Variants in ASMTL observed in about 807,000 individuals in gnomAD.
ASMTL encodes acetylserotonin O-methyltransferase like, also known as probable bifunctional dTTP/UTP pyrophosphatase/methyltransferase protein.
In ASMTL, 57 loss-of-function variants were observed where a neutral mutation model predicts 60.3. The observed-to-expected ratio is 0.95, with a 90% confidence interval of 0.76 to 1.18. ASMTL has a LOEUF of 1.18. Ranked by LOEUF, ASMTL falls within the 50% of genes most tolerant of loss-of-function variation. The pLI is 0.00. For missense variants in ASMTL, 981 were observed against 852.6 expected, an observed-to-expected ratio of 1.15 and a Z score of -1.88; for synonymous variants, 419 against 373.0, an observed-to-expected ratio of 1.12 and a Z score of -1.42.
chrX:1,427,845 C>T lies in ASMTL; in HGVS notation c.786G>A (p.Ala262=), dbSNP rs778465846. 25 of 1,613,236 alleles carry T rather than the reference C, an allele frequency of 1.5e-5. No individual in the cohort carries two copies. The highest frequency in any genetic ancestry group is 1.2e-4 in the Admixed American group (7 of 60,000). Residue 262 remains alanine (A), a synonymous_variant, in exon 7 of 13, where the codon GCG becomes GCA. Coordinates refer to ENST00000381317, the MANE Select transcript of ASMTL (RefSeq NM_004192.4). ...DAGSRDEKAE[A]GEAGQATAEA... is the part of the protein sequence containing the mutation. ...CTGCCGTGGCCTGTCCCGCCTCTCC[C>T]GCCTCGGCCTTCTCATCGCGGCTGC...
In ASMTL at chrX:1,403,308, A is replaced by AC. The variant is rs762560829; in HGVS notation, c.1826dup (p.Val610CysfsTer39). ...TGGTGGCCAAGATGGCATCCAGGAC[A>AC]CCCCCCAAGTGCACCACCTGCACCT... On this transcript the variant is annotated frameshift_variant, in exon 13 of 13. Transcript: ENST00000381317. LOFTEE classifies it high-confidence loss of function. The AC allele has an allele frequency of 4.3e-6, 7 of 1,612,880 alleles. No homozygotes were observed. The highest frequency in any genetic ancestry group is 1.1e-5 in the South Asian group (1 of 91,064).
chrX:1,420,867 T>C (rs1448575220), intron 9 of ASMTL, among the ~76,000 whole-genome samples: 1 of 151,934 alleles, frequency 6.6e-6, no homozygotes, highest in Non-Finnish European at 1.5e-5. Context: ...CATCACGGCT[T>C]ACACTGCAGC....
In ASMTL at chrX:1,425,680, A is replaced by T; in HGVS notation, c.905T>A (p.Leu302His). 6.2e-7 allele frequency: 1 copy of T among 1,613,410 alleles called. No homozygotes were observed. Among genetic ancestry groups the T allele is most frequent in the Non-Finnish European group, 8.5e-7 (1 of 1,179,694 alleles). ...IEGFMLSKGL[L>H]TACKLKVFDL... is the part of the protein sequence containing the mutation. Reference sequence around the variant, plus strand: ...GAACACCTTCAGTTTGCAAGCGGTGAGCAGGCCCTGTTAAAAGCAAGTGCA... The same window carrying T: ...GAACACCTTCAGTTTGCAAGCGGTGTGCAGGCCCTGTTAAAAGCAAGTGCA... Residue 302 changes from leucine (L) to histidine (H), a missense_variant, in exon 8 of 13, where the codon CTC becomes CAC. Transcript: ENST00000381317.
At chrX:1,430,205 G>A (rs1441353043) in intron 6 of ASMTL, among the ~76,000 whole-genome samples, 1 of 151,994 alleles carries the variant, frequency 6.6e-6, no homozygotes, top group African/African-American at 2.4e-5. Flanking sequence ...AGTAGAGATT[G>A]GGATTTGCCA....
At chrX:1,440,291 C>T (rs1400531637) in intron 2 of ASMTL, among the ~76,000 whole-genome samples, 9 of 151,950 alleles carry the variant, frequency 5.9e-5, no homozygotes, top group East Asian at 5.8e-4. Context: ...GGGGTTTCAC[C>T]GTGTGAGCCA....
intron 9 of ASMTL, among the ~76,000 whole-genome samples, chrX:1,421,282 G>A (rs1208171796): frequency 6.6e-6 from 1 of 151,946 alleles, no homozygotes; most frequent in Non-Finnish European, 1.5e-5. Context: ...TTAATTTTTT[G>A]TAGAGATGGG....
intron 10 of ASMTL, 74 bp from the exon 11 acceptor site, chrX:1,418,190 G>C: frequency 6.7e-7 from 1 of 1,486,538 alleles, no homozygotes; most frequent in Non-Finnish European, 9.1e-7. Context: ...AGCTCAACTG[G>C]GGCAGAAGTA....
intron 11 of ASMTL, 101 bp from the exon 12 acceptor site, chrX:1,412,955 G>T (rs2090090085): frequency 4.5e-6 from 6 of 1,326,616 alleles, no homozygotes; most frequent in African/African-American, 1.6e-5. Context: ...ATCAGGGACA[G>T]AGAAGAGAGG....
intron 3 of ASMTL, among the ~76,000 whole-genome samples, chrX:1,437,066 T>C (rs2090985545): frequency 6.7e-6 from 1 of 148,682 alleles, no homozygotes. Context: ...CCTCATCTCC[T>C]CTTCTTATGA....
chrX:1,444,838 G>A (rs2091200232), intron 1 of ASMTL, among the ~76,000 whole-genome samples: 1 of 152,032 alleles, frequency 6.6e-6, no homozygotes, highest in Non-Finnish European at 1.5e-5. Flanking sequence ...AGCAATTTGT[G>A]TGAGGAAGAC....
intron 7 of ASMTL, 160 bp downstream of exon 7, chrX:1,427,574 G>C (rs2090645156): frequency 3.7e-6 from 1 of 271,260 alleles, no homozygotes. Context: ...GGAGAGGCAG[G>C]AAGGACCCTC....
Position 1,427,898 on chromosome X carries a change from C to CA in ASMTL, c.732_733insT (p.Gly245TrpfsTer14). 6.2e-7 allele frequency: 1 copy of CA among 1,613,238 alleles called. No individual in the cohort carries two copies. On this transcript the variant is annotated frameshift_variant, in exon 7 of 13. Transcript: ENST00000381317. LOFTEE classifies it high-confidence loss of function. ...GCGTCCCTCTGAGTGGGCTCCGAGC[C>CA]GCCCCCCTCCACGTCACTGAGGTCT...
intron 6 of ASMTL, 36 bp downstream of exon 6, chrX:1,432,233 C>G (rs771328186): frequency 1.3e-6 from 2 of 1,535,864 alleles, no homozygotes; most frequent in South Asian, 1.1e-5. Flanking sequence ...GGCTTCCACA[C>G]GTGTCCCCCG....
chrX:1,413,565 A>T (rs1320277052), intron 11 of ASMTL, among the ~76,000 whole-genome samples: 2 of 152,210 alleles, frequency 1.3e-5, no homozygotes, highest in Non-Finnish European at 2.9e-5. Context: ...TAATTGCTGA[A>T]ATAAAAAGAT....
intron 3 of ASMTL, among the ~76,000 whole-genome samples, chrX:1,438,079 G>A (rs1446869081): frequency 1.2e-4 from 18 of 149,048 alleles, no homozygotes; most frequent in Non-Finnish European, 2.1e-4. Context: ...ACTTGAGGTC[G>A]GGAGTTTGAG....
intron 5 of ASMTL, among the ~76,000 whole-genome samples, chrX:1,434,326 TA>T (rs766900696): frequency 1.3e-4 from 20 of 150,396 alleles, no homozygotes; most frequent in South Asian, 6.3e-4. Context: ...CGCACCTCTA[TA>T]AAAAATACAA....
At chrX:1,404,684 G>A (rs865927493) in intron 12 of ASMTL, among the ~76,000 whole-genome samples, 1 of 9,266 alleles carries the variant, frequency 1.1e-4, no homozygotes, top group Admixed American at 2.1e-3. Context: ...GGTAGATGAT[G>A]GGTAGGTAGA....
In ASMTL at chrX:1,437,379, T is replaced by C. The variant is rs748613077; in HGVS notation, c.274-1621A>G. Among the ~76,000 whole-genome samples the C allele has an allele frequency of 5.7e-5, 8 of 139,754 alleles. 1 individual carries two copies. Among genetic ancestry groups the C allele is most frequent in the African/African-American group, 1.9e-4 (7 of 37,202 alleles). The allele number at this position is 139,754 out of a possible 152,430, so 91.7% of individuals were successfully genotyped here. A position where few individuals can be genotyped will look rare whatever the true frequency, so the allele number is the denominator to read the frequency against. ...CTGGGTGGCTTATAAACAGCAGACA[T>C]TGATTCTTCCATAATCCTGGAGTCT... On this transcript the variant is annotated intron_variant, in intron 3 of 12. Transcript: ENST00000381317.
In ASMTL at chrX:1,411,629, A is replaced by ACT. The variant is rs1262220146; in HGVS notation, c.1645+1102_1645+1103insAG. 2.7e-4 allele frequency among the ~76,000 whole-genome samples: 7 copies of ACT among 26,208 alleles called. No individual in the cohort carries two copies. The South Asian group carries it at 3.6e-3, about 14-fold the overall frequency. 17.2% of individuals were successfully genotyped at this position (26,208 alleles called of 152,430 possible). ...AAACACACAGATTAGATCCAGCTGC[A>ACT]GAGTCCACTCATGCGTGGATTTCCC... On this transcript the variant is annotated intron_variant, in intron 12 of 12. Coordinates refer to ENST00000381317, the MANE Select transcript of ASMTL (RefSeq NM_004192.4).
Sources: allele counts gnomAD v4.1 joint callset (sites outside exome capture counted in the v4.1 genomes callset), GRCh38; gene constraint gnomAD v4.1.1; transcripts MANE v1.5; gene names NCBI Gene and HGNC (gene_info 2026-07-23, HGNC 2026-07-21).